The following GTF3C1 variants were observed in gnomAD, a reference collection of about 807,000 sequenced individuals.
The protein encoded by GTF3C1 is general transcription factor IIIC subunit 1.
A neutral mutation model predicts 226.7 loss-of-function variants in GTF3C1; 57 were observed. The observed-to-expected ratio is 0.25, with a 90% confidence interval of 0.20 to 0.31. The LOEUF is 0.31. Ranked by LOEUF, GTF3C1 falls within the 10% of genes least tolerant of loss-of-function variation. The pLI is 1.00. For missense variants in GTF3C1, 2,217 were observed against 2,776.1 expected (o/e 0.80, Z 4.53); for synonymous variants, 1,090 against 1,084.8 (o/e 1.00, Z -0.09).
At chr16:27,531,865 G>A (rs2088922739) in intron 5 of GTF3C1, among the ~76,000 whole-genome samples, 1 of 152,128 alleles carries the variant, frequency 6.6e-6, no homozygotes, top group Non-Finnish European at 1.5e-5. Context: ...TTTCTGCCAG[G>A]GTTTCCTGAG....
chr16:27,546,646 T>C (rs2089169034), intron 1 of GTF3C1, among the ~76,000 whole-genome samples: 1 of 152,042 alleles, frequency 6.6e-6, no homozygotes, highest in South Asian at 2.1e-4. Flanking sequence ...TGGCTGCTTG[T>C]CGAGTTTTAT....
chr16:27,503,623 C>T (rs1407106729), intron 10 of GTF3C1, among the ~76,000 whole-genome samples: 1 of 152,222 alleles, frequency 6.6e-6, no homozygotes, highest in Non-Finnish European at 1.5e-5. Flanking sequence ...TGTGCTTCCT[C>T]TTCTATCCCC....
rs572591847 is a variant in GTF3C1, at chr16:27,509,472, T to C, written c.1127-817A>G. 1.1e-3 allele frequency among the ~76,000 whole-genome samples: 167 copies of C among 152,242 alleles called. 1 individual carries two copies. In the South Asian group the frequency reaches 0.032, roughly 29 times the overall value. Reference sequence around the variant, plus strand: ...CTTTGACTTTTCAGAAGTATCTTCCTCTTGGCCGGGTGCAGTGCCTCACTC... The same window carrying C: ...CTTTGACTTTTCAGAAGTATCTTCCCCTTGGCCGGGTGCAGTGCCTCACTC... On this transcript the variant is annotated intron_variant, in intron 7 of 36. Transcript: ENST00000356183.
Position 27,460,974 on chromosome 16 carries a change from C to G in GTF3C1, c.*376G>C, listed in dbSNP as rs1408490764. ...GCAAGGTGTATCCCACAAGGCCCTT[C>G]CTCTTGGTGGCACCTGGGCACTCAA... On this transcript the variant is annotated 3_prime_UTR_variant, in exon 37 of 37. Transcript: ENST00000356183. 5.2e-6 allele frequency: 1 copy of G among 191,968 alleles called. No homozygotes were observed. Among genetic ancestry groups the G allele is most frequent in the Non-Finnish European group, 1.1e-5 (1 of 91,722 alleles). 11.9% of individuals were successfully genotyped at this position (191,968 alleles called of 1,614,324 possible).
Position 27,495,257 on chromosome 16 carries a change from T to C in GTF3C1, c.2586A>G (p.Gln862=), listed in dbSNP as rs767527160. The C allele has an allele frequency of 6.2e-7, 1 of 1,613,498 alleles. No individual in the cohort carries two copies. Among genetic ancestry groups the C allele is most frequent in the Admixed American group, 1.7e-5 (1 of 60,026 alleles). The part of the protein sequence containing the change: ...ACSEAPSKGS[Q]DGVTWEAEVE... ...CTTCAGCCTCCCAGGTGACACCATCTTGGCTGCCTTTAGATGGGGCTTCAG... is the reference window on the plus strand; with the variant it reads ...CTTCAGCCTCCCAGGTGACACCATCCTGGCTGCCTTTAGATGGGGCTTCAG... Residue 862 remains glutamine, a synonymous_variant, in exon 15 of 37, where the codon CAA becomes CAG. Coordinates refer to ENST00000356183, the MANE Select transcript of GTF3C1 (RefSeq NM_001520.4).
rs368379460 is a variant in GTF3C1 at position 27,492,731 on chromosome 16, C to T, written c.2877-18G>A. Reference sequence around the variant, plus strand: ...TGTAACGCCTAGAAAACAGAGGGGGCGGGAGGTTCTCATCACACCACACTC... The same window carrying T: ...TGTAACGCCTAGAAAACAGAGGGGGTGGGAGGTTCTCATCACACCACACTC... On this transcript the variant is annotated intron_variant, in intron 17 of 36. Transcript: ENST00000356183. The surrounding 1 kb of genome is among the most constrained non-coding windows in gnomAD (Gnocchi z 5.0). The T allele has an allele frequency of 2.5e-4, 346 of 1,404,468 alleles. No individual in the cohort carries two copies. The highest frequency in any genetic ancestry group is 1.8e-4 in the Middle Eastern group (1 of 5,646). 87.0% of individuals were successfully genotyped at this position (1,404,468 alleles called of 1,614,324 possible). A position where few individuals can be genotyped will look rare whatever the true frequency, so the allele number is the denominator to read the frequency against.
intron 14 of GTF3C1, among the ~76,000 whole-genome samples, chr16:27,495,999 T>A (rs1466056688): frequency 2.0e-5 from 3 of 152,242 alleles, no homozygotes; most frequent in South Asian, 2.1e-4. Flanking sequence ...TGTTGGCATG[T>A]GATCCTCGGT....
At chr16:27,517,757 G>T (rs1286611379) in intron 6 of GTF3C1, among the ~76,000 whole-genome samples, 1 of 152,168 alleles carries the variant, frequency 6.6e-6, no homozygotes, top group African/African-American at 2.4e-5. Flanking sequence ...TGTGTTCGGT[G>T]TTTTCGGAAG....
chr16:27,470,282 T>C lies in GTF3C1; in HGVS notation c.4640A>G (p.Gln1547Arg), dbSNP rs776536321. 5.6e-6 allele frequency: 9 copies of C among 1,613,986 alleles called. No homozygotes were observed. The East Asian group carries it at 2.0e-4, about 36-fold the overall frequency. Residue 1547 changes from glutamine to arginine, a missense_variant, in exon 31 of 37, where the codon CAG becomes CGG. This residue lies in a region of GTF3C1 where 546 missense variants were observed against 663.0 expected (regional missense o/e 0.82). Transcript: ENST00000356183. This position sits in a 1 kb window ranked among gnomAD's most constrained non-coding sequence, Gnocchi z 4.9. ...GTCGTTTGTGGGCTCGTTATTATCC[T>C]GGTCTTTGAAAGAGAAACGATCAGG... ...DQPDRFSFKD[Q>R]DNNEPTNDMV...
At position 27,526,538 on chromosome 16, in the gene GTF3C1, C is replaced by G. The variant is rs541604630; in HGVS notation, c.973+2060G>C. On this transcript the variant is annotated intron_variant, in intron 6 of 36. Transcript: ENST00000356183. The stretch of plus-strand genomic sequence containing the variant: ...TCTCTTGTTTCTAGCCCTATCCATA[C>G]TTACGCTTTCAAAGGCACCCAGTAT... Among the ~76,000 whole-genome samples, 108 of 152,348 alleles carry G rather than the reference C, an allele frequency of 7.1e-4. 1 individual carries two copies. The highest frequency in any genetic ancestry group is 2.4e-3 in the African/African-American group (101 of 41,580).
At position 27,501,954 on chromosome 16, in the gene GTF3C1, T is replaced by C. The variant is rs536082830; in HGVS notation, c.1908-610A>G. Among the ~76,000 whole-genome samples, 3 of 151,966 alleles carry C rather than the reference T, an allele frequency of 2.0e-5. No homozygotes were observed. The East Asian group carries it at 5.8e-4, about 29-fold the overall frequency. On this transcript the variant is annotated intron_variant, in intron 11 of 36. Coordinates refer to ENST00000356183, the MANE Select transcript of GTF3C1 (RefSeq NM_001520.4). ...CCCGTCTCTACTAAAAATACAAAAA[T>C]TAGCCAGGTGGGTGCCTGTAATCCC...
In GTF3C1 at chr16:27,545,546, C is replaced by T. The variant is rs201730593; in HGVS notation, c.222-23G>A. 4,193 of 1,331,786 alleles carry T rather than the reference C, an allele frequency of 3.1e-3. 7 individuals carry two copies. Among genetic ancestry groups the T allele is most frequent in the Non-Finnish European group, 3.8e-3 (3,481 of 923,886 alleles). 82.5% of individuals were successfully genotyped at this position (1,331,786 alleles called of 1,614,324 possible). On this transcript the variant is annotated intron_variant, in intron 1 of 36. Transcript: ENST00000356183. ...TACCTAAGGAGAAAAACACAAATATCAAAGCCCAACTCAGCTTCAGATATA... is the reference window on the plus strand; with the variant it reads ...TACCTAAGGAGAAAAACACAAATATTAAAGCCCAACTCAGCTTCAGATATA...
Position 27,464,662 on chromosome 16 carries a change from C to A in GTF3C1, c.5530G>T (p.Asp1844Tyr), listed in dbSNP as rs777054416. ...ARPLEGSSSE[D>Y]SPPEGQAPPS... ...GGTGCCTGCCCCTCGGGGGGGCTGT[C>A]CTCACTGGAAGACCCCTCCAGGGGT... Residue 1844 changes from aspartate to tyrosine, a missense_variant, in exon 34 of 37, where the codon GAC (aspartate) becomes TAC (tyrosine). Transcript: ENST00000356183. 6.5e-7 allele frequency: 1 copy of A among 1,543,126 alleles called. No individual in the cohort carries two copies. Among genetic ancestry groups the A allele is most frequent in the East Asian group, 2.3e-5 (1 of 43,546 alleles).
intron 1 of GTF3C1, among the ~76,000 whole-genome samples, chr16:27,546,002 C>T (rs1028234792): frequency 3.1e-4 from 47 of 152,162 alleles, no homozygotes; most frequent in African/African-American, 1.1e-3. Context: ...GGGTGTGCCA[C>T]CACGCCCGGC....
At chr16:27,480,426 G>A (rs1047201912) in intron 27 of GTF3C1, among the ~76,000 whole-genome samples, 1 of 152,156 alleles carries the variant, frequency 6.6e-6, no homozygotes, top group African/African-American at 2.4e-5. Flanking sequence ...GCAATACAGT[G>A]GGTGAGACAT....
chr16:27,545,165 C>T, intron 2 of GTF3C1, 149 bp downstream of exon 2: 1 of 651,174 alleles, frequency 1.5e-6, no homozygotes, highest in Non-Finnish European at 2.7e-6. Context: ...TTAGTAGAAA[C>T]AGCGTTTTGC....
intron 23 of GTF3C1, among the ~76,000 whole-genome samples, chr16:27,486,977 G>A (rs1050906930): frequency 2.0e-5 from 3 of 152,238 alleles, no homozygotes; most frequent in African/African-American, 7.2e-5. Flanking sequence ...AACCTTGAGA[G>A]CGTAGCCACA....
chr16:27,532,752 C>T (rs1002198251), intron 5 of GTF3C1, among the ~76,000 whole-genome samples: 2 of 152,284 alleles, frequency 1.3e-5, no homozygotes, highest in East Asian at 1.9e-4. Context: ...TCCGTCTGAA[C>T]TTTGATAATA....
rs774889030 is a variant in GTF3C1 at position 27,465,274 on chromosome 16, C to A, written c.5341G>T (p.Ala1781Ser). 1 of 1,614,064 alleles carries A rather than the reference C, an allele frequency of 6.2e-7. No homozygotes were observed. Among genetic ancestry groups the A allele is most frequent in the South Asian group, 1.1e-5 (1 of 91,084 alleles). The change falls in exon 33 of 37, where the codon GCA becomes TCA. Residue 1781 changes from alanine (A) to serine (S), a missense_variant. Physicochemically the swap from Ala to Ser is moderately conservative, Grantham distance 99. Around this residue, in one of 12 missense-constraint regions of GTF3C1, gnomAD observed 455 missense variants for 441.9 expected, o/e 1.03. Coordinates refer to ENST00000356183, the MANE Select transcript of GTF3C1 (RefSeq NM_001520.4). Reference protein sequence around the residue: ...KAGGGRTRTFADCIQALLEQH... With the variant: ...KAGGGRTRTFSDCIQALLEQH... ...GCACAGCTCACCTGGATGCAATCTGCGAATGTCCTGGTGCGCCCACCACCT... is the reference window on the plus strand; with the variant it reads ...GCACAGCTCACCTGGATGCAATCTGAGAATGTCCTGGTGCGCCCACCACCT...
Sources: gnomAD v4.1 joint callset for allele counts (sites outside exome capture counted in the v4.1 genomes callset) on GRCh38, gnomAD v4.1.1 for gene constraint, gnomAD v4.1.1 regional missense constraint, Gnocchi (gnomAD v3.1) non-coding constraint, MANE v1.5 for transcripts, NCBI Gene and HGNC (gene_info 2026-07-23, HGNC 2026-07-21) for gene names.